The following SPDYA variants were observed in gnomAD, a reference collection of about 807,000 sequenced individuals.
SPDYA encodes speedy/RINGO cell cycle regulator family member A, also known as speedy protein A.
Under a neutral mutation model 36.7 loss-of-function variants are expected in SPDYA, and 11 were observed. That is an observed-to-expected ratio of 0.30 (90% CI 0.19 to 0.50). The LOEUF (loss-of-function observed/expected upper bound fraction) is 0.50, where lower values mean the gene tolerates loss of function less well. Among genes scored for constraint, SPDYA ranks in the 20% least tolerant of loss-of-function variants. The pLI is 0.98. For synonymous variants in SPDYA, 115 were observed against 118.7 expected, an observed-to-expected ratio of 0.97 and a Z score of 0.20; for missense variants, 287 against 370.9, an observed-to-expected ratio of 0.77 and a Z score of 1.86.
At chr2:28,842,632 A>G (rs1321427279) in intron 7 of SPDYA, among the ~76,000 whole-genome samples, 2 of 152,208 alleles carry the variant, frequency 1.3e-5, no homozygotes, top group African/African-American at 4.8e-5. Flanking sequence ...AGGAACAAGT[A>G]TTTACCCATA....
intron 5 of SPDYA, among the ~76,000 whole-genome samples, chr2:28,828,443 C>T (rs1301442592): frequency 6.6e-6 from 1 of 152,100 alleles, no homozygotes; most frequent in East Asian, 1.9e-4. Context: ...TTGTAGTTTT[C>T]ATCTCTAAAA....
rs1464240597 is a variant in SPDYA, at chr2:28,816,226, T to A, written c.212T>A (p.Met71Lys). Reference sequence around the variant, plus strand: ...TGTCTGGTTATACAGCGTCAGGATATGACTGCTTTCTTTAAATTATTTGGT... The same window carrying A: ...TGTCTGGTTATACAGCGTCAGGATAAGACTGCTTTCTTTAAATTATTTGGT... ...GPCLVIQRQD[M>K]TAFFKLFDDD... Residue 71 changes from methionine (M) to lysine (K), a missense_variant, in exon 3 of 8, where the codon ATG becomes AAG. By Grantham distance (95) the Met-to-Lys change is moderately conservative. Coordinates refer to ENST00000334056, the MANE Select transcript of SPDYA (RefSeq NM_182756.4). 1 of 1,603,634 alleles carries A rather than the reference T, an allele frequency of 6.2e-7. No individual in the cohort carries two copies. Among genetic ancestry groups the A allele is most frequent in the Admixed American group, 1.8e-5 (1 of 56,948 alleles).
At position 28,811,161 on chromosome 2, in the gene SPDYA, G is replaced by A. The variant is rs1462580629; in HGVS notation, c.-93+214G>A. ...CCCCGCAGCGGGCTCTGGGCTGAGGGACCTGGCGAGGGAGGCAGTGGCCGC... is the reference window on the plus strand; with the variant it reads ...CCCCGCAGCGGGCTCTGGGCTGAGGAACCTGGCGAGGGAGGCAGTGGCCGC... On this transcript the variant is annotated intron_variant, in intron 1 of 7. Coordinates refer to ENST00000334056, the MANE Select transcript of SPDYA (RefSeq NM_182756.4). This position sits in a 1 kb window ranked among gnomAD's most constrained non-coding sequence, Gnocchi z 4.2. The A allele has an allele frequency of 6.6e-6, 1 of 152,346 alleles. No individual in the cohort carries two copies. Among genetic ancestry groups the A allele is most frequent in the Non-Finnish European group, 1.5e-5 (1 of 68,144 alleles). The allele number at this position is 152,346 out of a possible 1,614,324, so 9.4% of individuals were successfully genotyped here.
intron 5 of SPDYA, among the ~76,000 whole-genome samples, chr2:28,824,562 T>G (rs971361561): frequency 1.3e-5 from 2 of 150,610 alleles, no homozygotes; most frequent in Non-Finnish European, 3.0e-5. Context: ...TCTTTTTTTT[T>G]TTGTGACAGA....
chr2:28,838,178 ATTTT>A (rs61135451), intron 6 of SPDYA, among the ~76,000 whole-genome samples: 3,385 of 115,558 alleles, frequency 0.029, 45 homozygotes, highest in African/African-American at 0.038. Flanking sequence ...GAAGTAACGG[ATTTT>A]TTTTTTTTTT....
rs1036381317 is a variant in SPDYA at position 28,849,913 on chromosome 2, T to C, written c.914T>C (p.Met305Thr). ...KTNFLKKDKSMEWFTGSEE is the reference protein window; with the variant it reads ...KTNFLKKDKSTEWFTGSEE ...AATTTCTTGAAGAAAGACAAATCTA[T>C]GGAGTGGTTTACAGGAAGTGAAGAA... Residue 305 changes from methionine (M) to threonine (T), a missense_variant, in exon 8 of 8, where the codon ATG becomes ACG. Physicochemically the swap from Met to Thr is moderately conservative, Grantham distance 81. Transcript: ENST00000334056. The C allele has an allele frequency of 2.5e-6, 4 of 1,596,296 alleles. No individual in the cohort carries two copies. The highest frequency in any genetic ancestry group is 1.2e-5 in the South Asian group (1 of 86,666).
chr2:28,838,499 G>A (rs955555814), intron 6 of SPDYA, among the ~76,000 whole-genome samples: 5 of 151,958 alleles, frequency 3.3e-5, no homozygotes, highest in African/African-American at 4.8e-5. Context: ...GAATTAAGAT[G>A]AAAATCTAGC....
chr2:28,838,019 G>A (rs1052897844), intron 6 of SPDYA, among the ~76,000 whole-genome samples: 2 of 151,908 alleles, frequency 1.3e-5, no homozygotes, highest in Non-Finnish European at 2.9e-5. Context: ...AGTAAAAAAG[G>A]GGGATGTTTC....
At chr2:28,842,728 G>A (rs79766000) in intron 7 of SPDYA, among the ~76,000 whole-genome samples, 74 of 152,268 alleles carry the variant, frequency 4.9e-4, no homozygotes, top group African/African-American at 1.7e-3. Flanking sequence ...TAAAGGAAAA[G>A]TATTGATTGT....
chr2:28,840,421 T>C lies in SPDYA; in HGVS notation c.802T>C (p.Ser268Pro). Residue 268 changes from serine to proline, a missense_variant, in exon 7 of 8, where the codon TCA becomes CCA. Physicochemically the swap from Ser to Pro is moderately conservative, Grantham distance 74 (BLOSUM62 -1). Transcript: ENST00000334056. ...KHSQDSYNSL[S>P]MDIIGDPSQA... is the part of the protein sequence containing the mutation. ...TTCTCAGGACTCATACAACTCACTGTCAATGGACATAATAGGTGATCCTTC... is the reference window on the plus strand; with the variant it reads ...TTCTCAGGACTCATACAACTCACTGCCAATGGACATAATAGGTGATCCTTC... 1.2e-6 allele frequency: 2 copies of C among 1,614,046 alleles called. No homozygotes were observed. The highest frequency in any genetic ancestry group is 1.7e-6 in the Non-Finnish European group (2 of 1,179,980).
intron 5 of SPDYA, among the ~76,000 whole-genome samples, chr2:28,828,508 G>A (rs1668390264): frequency 6.6e-6 from 1 of 152,148 alleles, no homozygotes; most frequent in Admixed American, 6.5e-5. Context: ...AGTTATAACT[G>A]TTCCAGTGTC....
intron 6 of SPDYA, among the ~76,000 whole-genome samples, chr2:28,836,676 A>T (rs1030159583): frequency 2.0e-5 from 3 of 152,074 alleles, no homozygotes; most frequent in Non-Finnish European, 4.4e-5. Context: ...GCTCAATGAA[A>T]TTTTTTCCCC....
At chr2:28,819,820 TAAAAAAAAAAAAAAA>T (rs1174507151) in intron 4 of SPDYA, among the ~76,000 whole-genome samples, 1 of 17,218 alleles carries the variant, frequency 5.8e-5, no homozygotes, top group African/African-American at 2.5e-4. Context: ...CCTGGTCTCT[TAAAAAAAAAAAAAAA>T]AAAAAAAAAA....
chr2:28,839,422 A>G (rs919649285), intron 6 of SPDYA, among the ~76,000 whole-genome samples: 3 of 152,322 alleles, frequency 2.0e-5, no homozygotes, highest in African/African-American at 7.2e-5. Context: ...CTATGTTCTT[A>G]TTCACCATAT....
At chr2:28,846,978 G>T (rs1461496527) in intron 7 of SPDYA, among the ~76,000 whole-genome samples, 1 of 152,150 alleles carries the variant, frequency 6.6e-6, no homozygotes, top group Non-Finnish European at 1.5e-5. Context: ...AGCATTAAAT[G>T]AATAACATAA....
intron 7 of SPDYA, chr2:28,840,827 T>C: frequency 2.1e-6 from 2 of 946,474 alleles, no homozygotes; most frequent in Non-Finnish European, 2.5e-6. Flanking sequence ...TTTCCTTCTG[T>C]ATACTTTTCT....
chr2:28,820,357 G>A (rs1668126231), intron 4 of SPDYA, among the ~76,000 whole-genome samples: 1 of 151,886 alleles, frequency 6.6e-6, no homozygotes, highest in Non-Finnish European at 1.5e-5. Flanking sequence ...ATGCTGAGGC[G>A]GGCAGATCAC....
At position 28,816,205 on chromosome 2, in the gene SPDYA, T is replaced by A. The variant is rs1242507178; in HGVS notation, c.191T>A (p.Leu64Gln). 1 of 1,613,820 alleles carries A rather than the reference T, an allele frequency of 6.2e-7. No homozygotes were observed. The highest frequency in any genetic ancestry group is 1.1e-5 in the South Asian group (1 of 91,024). The stretch of plus-strand genomic sequence containing the variant: ...TCTAAACGCCCCAAAGGACCTTGTC[T>A]GGTTATACAGCGTCAGGATATGACT... ...NKSKRPKGPC[L>Q]VIQRQDMTAF... Residue 64 changes from leucine (L) to glutamine (Q), a missense_variant, in exon 3 of 8, where the codon CTG (leucine) becomes CAG (glutamine). Leu to Gln is a moderately radical substitution (Grantham distance 113). Coordinates refer to ENST00000334056, the MANE Select transcript of SPDYA (RefSeq NM_182756.4).
chr2:28,834,046 A>C (rs1427408404), intron 6 of SPDYA, among the ~76,000 whole-genome samples: 2 of 151,684 alleles, frequency 1.3e-5, no homozygotes, highest in Non-Finnish European at 2.9e-5. Context: ...TAATCCAAAT[A>C]GACATTTCTC....
Sources: gnomAD v4.1 joint callset for allele counts (sites outside exome capture counted in the v4.1 genomes callset) on GRCh38, gnomAD v4.1.1 for gene constraint, Gnocchi (gnomAD v3.1) non-coding constraint, MANE v1.5 for transcripts, NCBI Gene and HGNC (gene_info 2026-07-23, HGNC 2026-07-21) for gene names.